Variants in PCTP observed in about 807,000 individuals in gnomAD.
PCTP encodes the protein START domain-containing protein 2.
PCTP carries 27 observed loss-of-function variants against 31.0 expected under a neutral mutation model. The ratio of observed to expected loss-of-function variants is 0.87; its 90% CI spans 0.64 to 1.20. PCTP has a LOEUF of 1.20. Among genes scored for constraint, PCTP ranks in the 50% most tolerant of loss-of-function variants. The pLI is 0.00. For synonymous variants in PCTP, 108 were observed against 101.2 expected, an observed-to-expected ratio of 1.07 and a Z score of -0.40; for missense variants, 287 against 268.2, an observed-to-expected ratio of 1.07 and a Z score of -0.49.
chr17:55,807,801 C>G (rs1313824553), intron 3 of PCTP, among the ~76,000 whole-genome samples: 4 of 152,112 alleles, frequency 2.6e-5, no homozygotes. Flanking sequence ...ATGGAATTCA[C>G]AATAATTCTC....
chr17:55,829,402 C>A (rs1905520251), intron 5 of PCTP, among the ~76,000 whole-genome samples: 1 of 151,942 alleles, frequency 6.6e-6, no homozygotes, highest in Non-Finnish European at 1.5e-5. Context: ...CCTCTGCCTC[C>A]CCAGTTCAAG....
intron 3 of PCTP, among the ~76,000 whole-genome samples, chr17:55,796,848 A>C (rs1912203348): frequency 6.6e-6 from 1 of 152,016 alleles, no homozygotes; most frequent in Admixed American, 6.6e-5. Context: ...TTATTTCTGT[A>C]TGATTTTTAC....
downstream of PCTP, among the ~76,000 whole-genome samples, chr17:55,847,797 C>T (rs1906179039): frequency 6.6e-6 from 1 of 152,168 alleles, no homozygotes. Context: ...CTGTTCAGGT[C>T]TTCACCTATT....
chr17:55,802,898 A>G (rs548994679), intron 3 of PCTP, among the ~76,000 whole-genome samples: 108 of 152,340 alleles, frequency 7.1e-4, no homozygotes, highest in African/African-American at 2.5e-3. Context: ...CATAAAAGGT[A>G]TTCAAATAGG....
At chr17:55,767,033 T>C (rs924737048) in intron 1 of PCTP, among the ~76,000 whole-genome samples, 2 of 152,256 alleles carry the variant, frequency 1.3e-5, no homozygotes, top group Admixed American at 6.5e-5. Context: ...CATTTTTTCA[T>C]GTGTTTTTTG....
downstream of PCTP, among the ~76,000 whole-genome samples, chr17:55,847,039 T>C (rs1906167171): frequency 6.6e-6 from 1 of 152,214 alleles, no homozygotes; most frequent in South Asian, 2.1e-4. Flanking sequence ...GATTGCCATG[T>C]AGTAGCCTTT....
In PCTP at chr17:55,755,989, C is replaced by T. The variant is rs961186456; in HGVS notation, c.141+4745C>T. Among the ~76,000 whole-genome samples the T allele has an allele frequency of 6.6e-5, 10 of 152,212 alleles. No individual in the cohort carries two copies. The East Asian group carries it at 7.7e-4, about 12-fold the overall frequency. On this transcript the variant is annotated intron_variant, in intron 1 of 5. Coordinates refer to ENST00000268896, the MANE Select transcript of PCTP (RefSeq NM_021213.4). ...CTTGCTTCCATACAAGAACTACATT[C>T]TGTTTCCGGAGGCTAAAGCAAAACT...
intron 2 of PCTP, among the ~76,000 whole-genome samples, chr17:55,787,049 G>A (rs1331637121): frequency 6.6e-6 from 1 of 151,976 alleles, no homozygotes; most frequent in Non-Finnish European, 1.5e-5. Flanking sequence ...GTGTGTGTGT[G>A]TGGTAGACTG....
intron 3 of PCTP, among the ~76,000 whole-genome samples, chr17:55,814,556 T>C (rs1912855914): frequency 2.0e-5 from 3 of 152,342 alleles, no homozygotes; most frequent in South Asian, 2.1e-4. Flanking sequence ...TGTTTAGTCA[T>C]TGACGCAGGA....
chr17:55,775,872 C>G, intron 5 of PCTP, 163 bp from the exon 6 acceptor site: 1 of 1,389,658 alleles, frequency 7.2e-7, no homozygotes, highest in African/African-American at 1.5e-5. Flanking sequence ...CTCAGTCCTA[C>G]TTTTTGTCAT....
downstream of PCTP, among the ~76,000 whole-genome samples, chr17:55,778,825 A>G (rs1012531352): frequency 3.3e-5 from 5 of 152,214 alleles, no homozygotes; most frequent in Admixed American, 3.3e-4. Context: ...TGTTGGTGGT[A>G]AATTTTTTCC....
intron 1 of PCTP, among the ~76,000 whole-genome samples, chr17:55,764,287 T>G (rs1910515794): frequency 2.0e-5 from 3 of 152,214 alleles, no homozygotes; most frequent in African/African-American, 7.2e-5. Context: ...TCAGTTTTCT[T>G]GAATAATTGC....
intron 3 of PCTP, among the ~76,000 whole-genome samples, chr17:55,804,431 A>G (rs1912508843): frequency 6.6e-6 from 1 of 152,234 alleles, no homozygotes. Context: ...TTATTGCAGC[A>G]CTATCCACAA....
intron 1 of PCTP, chr17:55,751,490 G>A (rs1475430324): frequency 2.6e-6 from 4 of 1,524,722 alleles, no homozygotes; most frequent in East Asian, 5.0e-5. Flanking sequence ...CAGGCCCGAC[G>A]GGGCATGTAG....
At chr17:55,841,563 C>T (rs1330540153) in intron 5 of PCTP, among the ~76,000 whole-genome samples, 1 of 152,144 alleles carries the variant, frequency 6.6e-6, no homozygotes, top group Non-Finnish European at 1.5e-5. Flanking sequence ...TTCTCCTTTA[C>T]CTCTTTAATG....
intron 3 of PCTP, among the ~76,000 whole-genome samples, chr17:55,808,071 A>G (rs1030095660): frequency 6.6e-6 from 1 of 152,132 alleles, no homozygotes; most frequent in Non-Finnish European, 1.5e-5. Flanking sequence ...ATAGCTTTAT[A>G]TATATTATAT....
At chr17:55,841,812 T>G (rs1905990957) in intron 5 of PCTP, among the ~76,000 whole-genome samples, 1 of 152,178 alleles carries the variant, frequency 6.6e-6, no homozygotes, top group Non-Finnish European at 1.5e-5. Flanking sequence ...AGATATGACA[T>G]GGTGATTCTC....
At chr17:55,827,473 G>A (rs1421474023), downstream of PCTP, among the ~76,000 whole-genome samples, 1 of 152,344 alleles carries the variant, frequency 6.6e-6, no homozygotes, top group Non-Finnish European at 1.5e-5. Context: ...TGATGGCATG[G>A]TGTGTTTTAA....
chr17:55,767,830 C>T (rs984199124), intron 2 of PCTP, among the ~76,000 whole-genome samples: 2 of 139,570 alleles, frequency 1.4e-5, no homozygotes, highest in African/African-American at 5.2e-5. Flanking sequence ...CAGTGACTCA[C>T]GCCTGTAATC....
Sources: allele counts gnomAD v4.1 joint callset (sites outside exome capture counted in the v4.1 genomes callset), GRCh38; gene constraint gnomAD v4.1.1; transcripts MANE v1.5; gene names NCBI Gene and HGNC (gene_info 2026-07-23, HGNC 2026-07-21).